HPS3: variants seen among roughly 807,000 people sequenced by gnomAD.
HPS3 encodes HPS3 biogenesis of lysosomal organelles complex 2 subunit 1, also known as BLOC-2 complex member HPS3.
In HPS3, 79 loss-of-function variants were observed where a neutral mutation model predicts 110.9. The observed-to-expected ratio is 0.71, with a 90% CI of 0.59 to 0.86. HPS3 has a LOEUF of 0.86. Ranked by LOEUF, HPS3 falls within the 40% of genes least tolerant of loss-of-function variation. The pLI is 0.00. For missense variants in HPS3, 1,197 were observed against 1,206.2 expected (o/e 0.99, Z 0.11); for synonymous variants, 428 against 451.0 (o/e 0.95, Z 0.65).
Position 149,172,120 on chromosome 3 carries a change from A to T in HPS3, c.2913A>T (p.Glu971Asp). The T allele has an allele frequency of 6.2e-7, 1 of 1,613,058 alleles. No individual in the cohort carries two copies. Among genetic ancestry groups the T allele is most frequent in the Non-Finnish European group, 8.5e-7 (1 of 1,179,104 alleles). ...AAACATTGTCAATTGTTGCTGTGGA[A>T]CTAGAACTGAAGGATTTCATGAATG... ...LKETLSIVAV[E>D]LELKDFMNVL... Residue 971 changes from glutamate to aspartate, a missense_variant, in exon 17 of 17, where the codon GAA becomes GAT. Glu to Asp is a conservative substitution (Grantham distance 45). Transcript: ENST00000296051.
In HPS3 at chr3:149,162,274, G is replaced by T. The variant is rs1483219181; in HGVS notation, c.2233G>T (p.Val745Phe). ...TCAGCCTGGATTGCTTGTGGCTTCA[G>T]TTCTGGGCTTGCAGAAGAACAACAA... Reference protein sequence around the residue: ...ETQPGLLVASVLGLQKNNKIG... With the variant: ...ETQPGLLVASFLGLQKNNKIG... Residue 745 changes from valine (V) to phenylalanine (F), a missense_variant, in exon 12 of 17, where the codon GTT becomes TTT. Coordinates refer to ENST00000296051, the MANE Select transcript of HPS3 (RefSeq NM_032383.5). 2 of 1,614,024 alleles carry T rather than the reference G, an allele frequency of 1.2e-6. No homozygotes were observed. Among genetic ancestry groups the T allele is most frequent in the Non-Finnish European group, 1.7e-6 (2 of 1,179,936 alleles).
intron 1 of HPS3, among the ~76,000 whole-genome samples, chr3:149,137,556 A>G (rs981009639): frequency 2.6e-5 from 4 of 152,230 alleles, no homozygotes; most frequent in African/African-American, 9.6e-5. Context: ...ACAAGAGCCA[A>G]AAGGTGGAAA....
chr3:149,162,423 TG>T, intron 12 of HPS3, 90 bp downstream of exon 12: 1 of 1,244,592 alleles, frequency 8.0e-7, no homozygotes, highest in Non-Finnish European at 1.2e-6. Flanking sequence ...GTTTTTCATT[TG>T]TTTGTTTATT....
At chr3:149,168,232 A>G in intron 16 of HPS3, 1 of 444,498 alleles carries the variant, frequency 2.2e-6, no homozygotes, top group Non-Finnish European at 4.1e-6. Flanking sequence ...ACAGTCATAG[A>G]AAATGACAGC....
chr3:149,135,031 C>T (rs74679612), intron 1 of HPS3, among the ~76,000 whole-genome samples: 3,267 of 152,264 alleles, frequency 0.021, 71 homozygotes, highest in Middle Eastern at 0.058. Context: ...GATTCCGGCT[C>T]AATGCCCAGT....
chr3:149,173,692 A>C lies in HPS3; in HGVS notation c.*1470A>C. ...AATCATTGGTTTTTCTCTTTTTTCC[A>C]CTTATCACCAATTTATTTCATTCAG... On this transcript the variant is annotated 3_prime_UTR_variant, in exon 17 of 17. Coordinates refer to ENST00000296051, the MANE Select transcript of HPS3 (RefSeq NM_032383.5). The C allele has an allele frequency of 7.0e-7, 1 of 1,431,294 alleles. No individual in the cohort carries two copies. The highest frequency in any genetic ancestry group is 9.7e-7 in the Non-Finnish European group (1 of 1,034,786). 88.7% of individuals were successfully genotyped at this position (1,431,294 alleles called of 1,614,324 possible). A position where few individuals can be genotyped will look rare whatever the true frequency, so the allele number is the denominator to read the frequency against.
intron 7 of HPS3, 40 bp downstream of exon 7, chr3:149,153,688 G>A (rs1312991720): frequency 6.3e-7 from 1 of 1,594,092 alleles, no homozygotes; most frequent in Non-Finnish European, 8.6e-7. Flanking sequence ...GCCAGTTTCT[G>A]GAATGAGTTG....
chr3:149,147,834 G>A (rs925734915), intron 5 of HPS3, among the ~76,000 whole-genome samples: 12 of 152,190 alleles, frequency 7.9e-5, no homozygotes, highest in African/African-American at 2.9e-4. Context: ...AATAGCAGTT[G>A]TTTTATGTAA....
chr3:149,159,593 G>A (rs1034080159), intron 10 of HPS3, among the ~76,000 whole-genome samples: 3 of 152,062 alleles, frequency 2.0e-5, no homozygotes, highest in African/African-American at 7.2e-5. Flanking sequence ...AACCCCTCAT[G>A]TATTTTATAC....
At chr3:149,150,376 A>G (rs1442865463) in intron 5 of HPS3, among the ~76,000 whole-genome samples, 2 of 152,180 alleles carry the variant, frequency 1.3e-5, no homozygotes, top group African/African-American at 4.8e-5. Context: ...AGAGATTGCG[A>G]TTCACTAGGG....
At chr3:149,172,053 G>T in intron 16 of HPS3, 42 bp from the exon 17 acceptor site, 1 of 1,602,268 alleles carries the variant, frequency 6.2e-7, no homozygotes, top group Non-Finnish European at 8.5e-7. Flanking sequence ...TTGAATGAAA[G>T]ACAGACTTTC....
chr3:149,169,457 A>G (rs1422231930), intron 16 of HPS3, among the ~76,000 whole-genome samples: 1 of 152,224 alleles, frequency 6.6e-6, no homozygotes, highest in Non-Finnish European at 1.5e-5. Flanking sequence ...GTTGGAGATG[A>G]AGCTCAGGGA....
chr3:149,157,226 T>A, intron 8 of HPS3, 124 bp from the exon 9 acceptor site: 1 of 883,824 alleles, frequency 1.1e-6, no homozygotes, highest in Non-Finnish European at 1.8e-6. Context: ...CCATTTTGTT[T>A]ACTTTTAGGG....
rs765294626 is a variant in HPS3 at position 149,172,102 on chromosome 3, G to A, written c.2895G>A (p.Leu965=). 2 of 1,612,650 alleles carry A rather than the reference G, an allele frequency of 1.2e-6. No individual in the cohort carries two copies. The highest frequency in any genetic ancestry group is 2.2e-5 in the East Asian group (1 of 44,838). Residue 965 remains leucine (L), a synonymous_variant, in exon 17 of 17, where the codon TTG becomes TTA. Transcript: ENST00000296051. The part of the protein sequence containing the change: ...QLYLSSLKET[L]SIVAVELELK... ...ATATTCTTTTCTACACAGAAACATT[G>A]TCAATTGTTGCTGTGGAACTAGAAC...
chr3:149,172,318 T>TCACACACACACACACACACACA lies in HPS3; in HGVS notation c.*113_*134dup, dbSNP rs113015797. 2.6e-5 allele frequency: 15 copies of TCACACACACACACACACACACA among 571,842 alleles called. No homozygotes were observed. In the African/African-American group the frequency reaches 2.8e-4, roughly 11 times the overall value. The allele number at this position is 571,842 out of a possible 1,614,324, so 35.4% of individuals were successfully genotyped here. A position where few individuals can be genotyped will look rare whatever the true frequency, so the allele number is the denominator to read the frequency against. ...GTAGAGGAGTTTTTTATTTTATATA[T>TCACACACACACACACACACACA]CACACACACACACACACACACACAC... is the stretch of plus-strand genomic sequence containing the variant. On this transcript the variant is annotated 3_prime_UTR_variant, in exon 17 of 17. Coordinates refer to ENST00000296051, the MANE Select transcript of HPS3 (RefSeq NM_032383.5).
intron 16 of HPS3, among the ~76,000 whole-genome samples, chr3:149,171,500 G>A (rs1724985055): frequency 6.6e-6 from 1 of 152,062 alleles, no homozygotes; most frequent in Non-Finnish European, 1.5e-5. Flanking sequence ...TTTCTTTAGA[G>A]GATAGTAGAA....
intron 1 of HPS3, among the ~76,000 whole-genome samples, chr3:149,136,615 C>A (rs934834149): frequency 3.9e-5 from 6 of 152,046 alleles, no homozygotes; most frequent in Non-Finnish European, 8.8e-5. Flanking sequence ...GCTTCAGATT[C>A]CTGATGTATA....
At chr3:149,145,661 GTT>G (rs1475886956) in intron 5 of HPS3, 115 bp downstream of exon 5, 7 of 832,848 alleles carry the variant, frequency 8.4e-6, no homozygotes, top group Admixed American at 1.7e-5. Flanking sequence ...AAATGCATGA[GTT>G]ACATGTCATT....
chr3:149,161,508 CTTTTTTTTTTT>C (rs1203449055), intron 11 of HPS3, among the ~76,000 whole-genome samples: 1 of 104,306 alleles, frequency 9.6e-6, no homozygotes, highest in African/African-American at 3.7e-5. Flanking sequence ...CCCCCACACC[CTTTTTTTTTTT>C]TTTTTTTTTT....
Sources: allele counts gnomAD v4.1 joint callset (sites outside exome capture counted in the v4.1 genomes callset), GRCh38; gene constraint gnomAD v4.1.1; transcripts MANE v1.5; gene names NCBI Gene and HGNC (gene_info 2026-07-23, HGNC 2026-07-21).